The following CDH12 variants were observed in gnomAD, a reference collection of about 807,000 sequenced individuals.
The protein encoded by CDH12 is cadherin 12, also known as cadherin-12.
Under a neutral mutation model 74.1 loss-of-function variants are expected in CDH12, and 41 were observed. The ratio of observed to expected loss-of-function variants is 0.55; its 90% CI spans 0.43 to 0.72. The LOEUF is 0.72. Among genes scored for constraint, CDH12 ranks in the 30% least tolerant of loss-of-function variants. The pLI, the probability that CDH12 is intolerant of heterozygous loss-of-function variation, is 0.00. For synonymous variants in CDH12, 399 were observed against 355.0 expected (o/e 1.12, Z -1.39); for missense variants, 945 against 977.2 (o/e 0.97, Z 0.44).
chr5:22,064,458 G>A (rs1326162194), intron 5 of CDH12, among the ~76,000 whole-genome samples: 2 of 152,010 alleles, frequency 1.3e-5, no homozygotes, highest in East Asian at 3.9e-4. Context: ...ACTGGTTTTG[G>A]GATTTCTGGA....
chr5:21,810,433 G>A (rs1043142819), intron 9 of CDH12, among the ~76,000 whole-genome samples: 1 of 152,000 alleles, frequency 6.6e-6, no homozygotes, highest in Non-Finnish European at 1.5e-5. Flanking sequence ...ATTTGGCAAG[G>A]GGATGTCAAT....
chr5:21,968,619 C>T (rs1756691372), intron 6 of CDH12, among the ~76,000 whole-genome samples: 1 of 152,066 alleles, frequency 6.6e-6, no homozygotes, highest in South Asian at 2.1e-4. Flanking sequence ...ATGTGGTGGA[C>T]CAATCATCTT....
chr5:22,558,960 A>G (rs949512230), intron 1 of CDH12, among the ~76,000 whole-genome samples: 1 of 152,116 alleles, frequency 6.6e-6, no homozygotes, highest in Admixed American at 6.6e-5. Context: ...TTAAAAAAGC[A>G]AAAAGATGCC....
At chr5:22,280,665 T>A (rs1736838317) in intron 3 of CDH12, among the ~76,000 whole-genome samples, 1 of 152,112 alleles carries the variant, frequency 6.6e-6, no homozygotes, top group Non-Finnish European at 1.5e-5. Flanking sequence ...CTCCCAAGAC[T>A]AAACCAGGAA....
At chr5:22,513,085 T>G (rs1025089842) in intron 1 of CDH12, among the ~76,000 whole-genome samples, 4 of 152,100 alleles carry the variant, frequency 2.6e-5, no homozygotes, top group African/African-American at 4.8e-5. Context: ...TAATTTTATT[T>G]AAAAAACACC....
At chr5:22,456,674 G>C (rs895482344) in intron 2 of CDH12, among the ~76,000 whole-genome samples, 1 of 151,876 alleles carries the variant, frequency 6.6e-6, no homozygotes, top group African/African-American at 2.4e-5. Flanking sequence ...ACCTGTGAAG[G>C]CTAAATCATA....
At chr5:22,176,416 G>C (rs1353286972) in intron 4 of CDH12, among the ~76,000 whole-genome samples, 1 of 151,810 alleles carries the variant, frequency 6.6e-6, no homozygotes, top group African/African-American at 2.4e-5. Flanking sequence ...GTGTTCAGAT[G>C]ATCACGTTTG....
chr5:22,142,566 G>A (rs1416335953), intron 4 of CDH12: 4 of 737,036 alleles, frequency 5.4e-6, no homozygotes, highest in Non-Finnish European at 8.9e-6. Context: ...TTTCCTGTAG[G>A]AAGGAGAGAT....
chr5:22,598,037 TAAACTGA>T (rs1736685151), intron 1 of CDH12, among the ~76,000 whole-genome samples: 1 of 152,178 alleles, frequency 6.6e-6, no homozygotes, highest in South Asian at 2.1e-4. Context: ...ATTTTAGCAC[TAAACTGA>T]AAATTAGAAG....
intron 4 of CDH12, among the ~76,000 whole-genome samples, chr5:22,112,776 G>T (rs1388202342): frequency 1.3e-5 from 2 of 152,072 alleles, no homozygotes; most frequent in African/African-American, 4.8e-5. Flanking sequence ...AAAAATCCCT[G>T]CACATGATTA....
intron 1 of CDH12, among the ~76,000 whole-genome samples, chr5:22,800,229 T>C (rs1192113552): frequency 3.3e-5 from 5 of 152,168 alleles, no homozygotes; most frequent in East Asian, 3.9e-4. Context: ...TGTGGGGCTA[T>C]TACAGCAGCA....
intron 1 of CDH12, among the ~76,000 whole-genome samples, chr5:22,772,148 G>A (rs1216270550): frequency 6.6e-6 from 1 of 151,980 alleles, no homozygotes; most frequent in Non-Finnish European, 1.5e-5. Flanking sequence ...TTAGATAGGA[G>A]AGCATGAGAA....
chr5:22,388,544 C>A (rs1441482062), intron 3 of CDH12, among the ~76,000 whole-genome samples: 1 of 152,028 alleles, frequency 6.6e-6, no homozygotes, highest in African/African-American at 2.4e-5. Context: ...GAAAAAAAGA[C>A]ATTTTAATGT....
intron 4 of CDH12, among the ~76,000 whole-genome samples, chr5:22,105,726 GTAAAA>G (rs879883656): frequency 1.2e-4 from 18 of 147,324 alleles, no homozygotes; most frequent in Non-Finnish European, 2.2e-4. Context: ...ATAAAATAAA[GTAAAA>G]TAAAATAAAA....
intron 2 of CDH12, among the ~76,000 whole-genome samples, chr5:22,464,541 G>A (rs531756170): frequency 6.6e-6 from 1 of 152,104 alleles, no homozygotes; most frequent in East Asian, 1.9e-4. Flanking sequence ...TCTGTTAAAT[G>A]TTGGAATTCC....
chr5:22,717,586 G>A (rs1045905010), intron 1 of CDH12, among the ~76,000 whole-genome samples: 3 of 152,132 alleles, frequency 2.0e-5, no homozygotes, highest in African/African-American at 7.2e-5. Context: ...GACCCAAAAT[G>A]CCAGGCAAGT....
chr5:22,821,702 C>A (rs1469495033), intron 1 of CDH12, among the ~76,000 whole-genome samples: 1 of 151,660 alleles, frequency 6.6e-6, no homozygotes, highest in African/African-American at 2.4e-5. Context: ...TCAAGGAGAA[C>A]TACAAACCAC....
chr5:22,255,780 T>C (rs1753290234), intron 3 of CDH12, among the ~76,000 whole-genome samples: 1 of 151,726 alleles, frequency 6.6e-6, no homozygotes, highest in Non-Finnish European at 1.5e-5. Context: ...ATACTAAAAT[T>C]AAGTTTTTTA....
chr5:22,473,930 G>T (rs1746066515), intron 2 of CDH12, among the ~76,000 whole-genome samples: 1 of 152,040 alleles, frequency 6.6e-6, no homozygotes, highest in Admixed American at 6.6e-5. Flanking sequence ...AATTTGAAGA[G>T]AAAAATGCCC....
Sources: allele counts gnomAD v4.1 joint callset (sites outside exome capture counted in the v4.1 genomes callset), GRCh38; gene constraint gnomAD v4.1.1; transcripts MANE v1.5; gene names NCBI Gene and HGNC (gene_info 2026-07-23, HGNC 2026-07-21).